Variants in NOCT observed in about 807,000 individuals in gnomAD.
NOCT encodes nocturnin, also known as CCR4 carbon catabolite repression 4-like.
A neutral mutation model predicts 35.0 loss-of-function variants in NOCT; 18 were observed. The ratio of observed to expected loss-of-function variants is 0.51; its 90% CI spans 0.36 to 0.76. NOCT has a LOEUF of 0.76. NOCT is among the 30% of genes least tolerant of loss of function. NOCT has a pLI of 0.01. For synonymous variants in NOCT, 235 were observed against 226.3 expected (o/e 1.04, Z -0.34); for missense variants, 479 against 541.0 (o/e 0.89, Z 1.14).
Position 139,045,575 on chromosome 4 carries a change from G to A in NOCT, c.*101G>A, listed in dbSNP as rs951995835. 1.1e-5 allele frequency: 7 copies of A among 651,102 alleles called. No individual in the cohort carries two copies. The highest frequency in any genetic ancestry group is 4.3e-5 in the African/African-American group (2 of 46,624). The allele number at this position is 651,102 out of a possible 1,614,324, so 40.3% of individuals were successfully genotyped here. ...TCTGTTGCCTAGGCTGGAGTACAGT[G>A]GCCTGATCTCGGCTCACTGCAAGAT... On this transcript the variant is annotated 3_prime_UTR_variant, in exon 3 of 3. Transcript: ENST00000280614.
At chr4:139,032,633 G>C (rs1005571420) in intron 1 of NOCT, among the ~76,000 whole-genome samples, 1 of 152,190 alleles carries the variant, frequency 6.6e-6, no homozygotes, top group Non-Finnish European at 1.5e-5. Flanking sequence ...GCCAATTTGA[G>C]TGCCAAATAG....
intron 1 of NOCT, among the ~76,000 whole-genome samples, chr4:139,030,656 A>G (rs962271510): frequency 2.0e-5 from 3 of 152,240 alleles, no homozygotes; most frequent in Admixed American, 6.5e-5. Context: ...AATATATTGT[A>G]TATCCAACAT....
rs748861350 is a variant in NOCT at position 139,044,928 on chromosome 4, T to C, written c.750T>C (p.Ser250=). ...AAAACCGATTCAAGCTAGTCAACAGTGCCAATATTAGGCTGACAGCCATGA... is the reference window on the plus strand; with the variant it reads ...AAAACCGATTCAAGCTAGTCAACAGCGCCAATATTAGGCTGACAGCCATGA... ...FLQNRFKLVN[S]ANIRLTAMTL... is the part of the protein sequence containing the mutation. The change falls in exon 3 of 3, where the codon AGT becomes AGC. Residue 250 remains serine, a synonymous_variant. Transcript: ENST00000280614. The C allele has an allele frequency of 6.2e-7, 1 of 1,614,198 alleles. No individual in the cohort carries two copies. The highest frequency in any genetic ancestry group is 8.5e-7 in the Non-Finnish European group (1 of 1,180,032).
chr4:139,024,478 C>T (rs1726476944), intron 1 of NOCT, among the ~76,000 whole-genome samples: 1 of 152,030 alleles, frequency 6.6e-6, no homozygotes, highest in Admixed American at 6.6e-5. Flanking sequence ...TTCATAGAAA[C>T]CTGTTTTGTG....
chr4:139,027,564 A>G (rs939542006), intron 1 of NOCT, among the ~76,000 whole-genome samples: 2 of 151,310 alleles, frequency 1.3e-5, no homozygotes, highest in African/African-American at 2.4e-5. Flanking sequence ...CAGTGGCGCA[A>G]TCTTGGCTCA....
intron 1 of NOCT, among the ~76,000 whole-genome samples, chr4:139,041,166 T>C (rs1013579405): frequency 2.6e-5 from 4 of 152,170 alleles, no homozygotes. Flanking sequence ...AGGGAAAAAC[T>C]ACTTTGAGTA....
chr4:139,027,332 G>T (rs185516312), intron 1 of NOCT, among the ~76,000 whole-genome samples: 1 of 151,940 alleles, frequency 6.6e-6, no homozygotes, highest in East Asian at 1.9e-4. Flanking sequence ...ATGCCACCAT[G>T]CCTGGCTAAA....
At chr4:139,025,656 C>T (rs900945739) in intron 1 of NOCT, among the ~76,000 whole-genome samples, 7 of 152,060 alleles carry the variant, frequency 4.6e-5, no homozygotes, top group Admixed American at 1.3e-4. Flanking sequence ...CAAAAATTAG[C>T]CATGCGTGGT....
chr4:139,035,107 C>T (rs974653852), intron 1 of NOCT, among the ~76,000 whole-genome samples: 6 of 152,146 alleles, frequency 3.9e-5, no homozygotes, highest in East Asian at 1.9e-4. Flanking sequence ...TCCTTCTGGT[C>T]GCTCAGCTGG....
chr4:139,027,649 A>G lies in NOCT; in HGVS notation c.190+11478A>G, dbSNP rs550089251. On this transcript the variant is annotated intron_variant, in intron 1 of 2. Coordinates refer to ENST00000280614, the MANE Select transcript of NOCT (RefSeq NM_012118.4). ...CGAGTAGCTGGGACTACAGGCGCCC[A>G]CCACTAAGCCCGGCTAATTTTTGTA... Among the ~76,000 whole-genome samples, 100 of 151,984 alleles carry G rather than the reference A, an allele frequency of 6.6e-4. 3 individuals carry two copies. The South Asian group carries it at 0.019, about 29-fold the overall frequency.
At chr4:139,033,520 C>A (rs539222258) in intron 1 of NOCT, among the ~76,000 whole-genome samples, 7 of 151,772 alleles carry the variant, frequency 4.6e-5, no homozygotes, top group South Asian at 2.1e-4. Flanking sequence ...AAAAAAAATT[C>A]TTTTAATTAG....
chr4:139,033,632 A>G (rs893566175), intron 1 of NOCT, among the ~76,000 whole-genome samples: 1 of 151,206 alleles, frequency 6.6e-6, no homozygotes, highest in African/African-American at 2.4e-5. Flanking sequence ...TGATGGCACC[A>G]TTGTGCTCCA....
rs149471540 is a variant in NOCT, at chr4:139,045,717, C to G, written c.*243C>G. On this transcript the variant is annotated 3_prime_UTR_variant, in exon 3 of 3. Transcript: ENST00000280614. The stretch of plus-strand genomic sequence containing the variant: ...ATTTTTAGTAGAGACGGGGTTTCAC[C>G]GTGTTAGCCAGGATGGTCTCGATCT... 9.7e-4 allele frequency: 349 copies of G among 359,102 alleles called. 1 individual carries two copies. The highest frequency in any genetic ancestry group is 6.8e-3 in the African/African-American group (324 of 47,726). The allele number at this position is 359,102 out of a possible 1,614,324, so 22.2% of individuals were successfully genotyped here.
intron 1 of NOCT, among the ~76,000 whole-genome samples, chr4:139,035,324 T>C (rs1462040157): frequency 6.6e-6 from 1 of 152,012 alleles, no homozygotes; most frequent in Non-Finnish European, 1.5e-5. Flanking sequence ...GTTGTAGAGA[T>C]AGGGGCTCCC....
At position 139,045,024 on chromosome 4, in the gene NOCT, C is replaced by T. The variant is rs754662993; in HGVS notation, c.846C>T (p.Ile282=). The T allele has an allele frequency of 1.4e-5, 22 of 1,614,126 alleles. No individual in the cohort carries two copies. The highest frequency in any genetic ancestry group is 2.7e-5 in the African/African-American group (2 of 74,944). Residue 282 remains isoleucine, a synonymous_variant, in exon 3 of 3, where the codon ATC becomes ATT. Transcript: ENST00000280614. ...ECKESGRQFC[I]AVTHLKARTG... Reference sequence around the variant, plus strand: ...AGGAGTCAGGCCGACAGTTCTGCATCGCTGTTACCCATCTAAAAGCACGCA... The same window carrying T: ...AGGAGTCAGGCCGACAGTTCTGCATTGCTGTTACCCATCTAAAAGCACGCA...
intron 1 of NOCT, among the ~76,000 whole-genome samples, chr4:139,032,453 G>C (rs1392775836): frequency 6.6e-6 from 1 of 152,166 alleles, no homozygotes; most frequent in Non-Finnish European, 1.5e-5. Context: ...CCAGGAGTTT[G>C]AAGCCAGCCT....
chr4:139,016,276 G>A (rs1290685975), intron 1 of NOCT, 105 bp downstream of exon 1: 2 of 724,102 alleles, frequency 2.8e-6, no homozygotes, highest in African/African-American at 1.9e-5. Context: ...TGCCGGTCGT[G>A]GAGTCTGGCC....
intron 1 of NOCT, among the ~76,000 whole-genome samples, chr4:139,020,766 C>G (rs1245331386): frequency 2.0e-5 from 3 of 152,154 alleles, no homozygotes; most frequent in Middle Eastern, 3.4e-3. Context: ...TCTGGAAGAG[C>G]CTTAAGACCT....
chr4:139,041,180 AG>A (rs1726827215), intron 1 of NOCT, among the ~76,000 whole-genome samples: 1 of 152,198 alleles, frequency 6.6e-6, no homozygotes, highest in Non-Finnish European at 1.5e-5. Flanking sequence ...TTGAGTAGAC[AG>A]GAAGGAACAA....
Sources: gnomAD v4.1 joint callset for allele counts (sites outside exome capture counted in the v4.1 genomes callset) on GRCh38, gnomAD v4.1.1 for gene constraint, MANE v1.5 for transcripts, NCBI Gene and HGNC (gene_info 2026-07-23, HGNC 2026-07-21) for gene names.